Variants in MELK observed in about 807,000 individuals in gnomAD.
The protein encoded by MELK is maternal embryonic leucine zipper kinase.
A neutral mutation model predicts 85.0 loss-of-function variants in MELK; 81 were observed. That is an observed-to-expected ratio of 0.95 (90% CI 0.80 to 1.15). The LOEUF is 1.15. MELK is among the 50% of genes most tolerant of loss of function. The pLI, the probability that MELK is intolerant of heterozygous loss-of-function variation, is 0.00. For missense variants in MELK, 754 were observed against 777.5 expected (o/e 0.97, Z 0.36); for synonymous variants, 252 against 265.0 (o/e 0.95, Z 0.48).
At chr9:36,595,927 T>A (rs144449474) in intron 5 of MELK, among the ~76,000 whole-genome samples, 1 of 152,262 alleles carries the variant, frequency 6.6e-6, no homozygotes, top group Non-Finnish European at 1.5e-5. Flanking sequence ...GTGATCCTCT[T>A]GCCTTAGCCT....
intron 12 of MELK, among the ~76,000 whole-genome samples, chr9:36,652,903 T>C (rs1293795216): frequency 9.9e-5 from 15 of 152,090 alleles, no homozygotes; most frequent in Admixed American, 9.8e-4. Context: ...AAAGGACACA[T>C]TATTGAATTG....
intron 8 of MELK, among the ~76,000 whole-genome samples, chr9:36,617,224 C>T (rs190874184): frequency 6.6e-6 from 1 of 152,156 alleles, no homozygotes. Context: ...CATACCCCCC[C>T]ACCAATACAG....
chr9:36,634,248 A>C (rs528457426), intron 10 of MELK, among the ~76,000 whole-genome samples: 44 of 152,350 alleles, frequency 2.9e-4, no homozygotes, highest in African/African-American at 1.1e-3. Context: ...TCTAAATTCT[A>C]ATTTTTGCTT....
At chr9:36,609,891 G>T (rs1473895543) in intron 8 of MELK, among the ~76,000 whole-genome samples, 1 of 152,148 alleles carries the variant, frequency 6.6e-6, no homozygotes, top group Non-Finnish European at 1.5e-5. Flanking sequence ...TTGGAGACAG[G>T]TATAAGCTAT....
At chr9:36,576,721 G>A (rs974167028) in intron 1 of MELK, among the ~76,000 whole-genome samples, 2 of 152,000 alleles carry the variant, frequency 1.3e-5, no homozygotes, top group African/African-American at 4.8e-5. Flanking sequence ...TAGTAGAGAC[G>A]GGGTTTCTGC....
intron 7 of MELK, among the ~76,000 whole-genome samples, chr9:36,600,680 C>T (rs986822792): frequency 5.3e-5 from 8 of 152,148 alleles, no homozygotes; most frequent in African/African-American, 1.4e-4. Context: ...CCACCGTGCC[C>T]GGCTCTGGCC....
Position 36,643,004 on chromosome 9 carries a change from A to G in MELK, c.842A>G (p.His281Arg). The G allele has an allele frequency of 6.2e-7, 1 of 1,603,572 alleles. No homozygotes were observed. Among genetic ancestry groups the G allele is most frequent in the Non-Finnish European group, 8.5e-7 (1 of 1,176,596 alleles). Residue 281 changes from histidine (H) to arginine (R), a missense_variant, in exon 11 of 18, where the codon CAC becomes CGC. Transcript: ENST00000298048. ...VEWQSKNPFI[H>R]LDDDCVTELS... Reference sequence around the variant, plus strand: ...CATAATTTTTTTTTGTAGTTTATTCACCTCGATGATGATTGCGTAACAGAA... The same window carrying G: ...CATAATTTTTTTTTGTAGTTTATTCGCCTCGATGATGATTGCGTAACAGAA...
chr9:36,587,824 G>T (rs1823091130), intron 3 of MELK, among the ~76,000 whole-genome samples: 1 of 151,510 alleles, frequency 6.6e-6, no homozygotes, highest in Non-Finnish European at 1.5e-5. Flanking sequence ...CCCCAGGCTG[G>T]AGTGCAGTGG....
chr9:36,676,881 A>G (rs1006259416), intron 17 of MELK, among the ~76,000 whole-genome samples: 2 of 152,352 alleles, frequency 1.3e-5, no homozygotes, highest in East Asian at 1.9e-4. Flanking sequence ...CATGAATGGC[A>G]TGTATAGCTA....
intron 3 of MELK, among the ~76,000 whole-genome samples, chr9:36,584,163 G>T (rs1336333171): frequency 4.6e-5 from 7 of 150,954 alleles, no homozygotes; most frequent in Non-Finnish European, 5.9e-5. Flanking sequence ...CCGCCACTAC[G>T]CCCGGCTAAT....
intron 13 of MELK, among the ~76,000 whole-genome samples, chr9:36,662,714 A>T (rs1334111414): frequency 1.3e-5 from 2 of 152,160 alleles, no homozygotes; most frequent in Non-Finnish European, 1.5e-5. Context: ...GTTATTGAAG[A>T]TATTATTCCA....
intron 8 of MELK, among the ~76,000 whole-genome samples, chr9:36,614,455 T>C (rs1221724496): frequency 2.8e-5 from 4 of 145,124 alleles, no homozygotes; most frequent in Non-Finnish European, 6.0e-5. Context: ...ATTTATTTTT[T>C]TATTGATAAT....
intron 11 of MELK, among the ~76,000 whole-genome samples, chr9:36,643,683 C>T (rs965256423): frequency 6.6e-6 from 1 of 151,908 alleles, no homozygotes; most frequent in Admixed American, 6.6e-5. Flanking sequence ...GCCTGTAATC[C>T]CAGCACTTTC....
chr9:36,599,527 A>G (rs369514804), intron 7 of MELK, 41 bp downstream of exon 7: 11 of 1,477,124 alleles, frequency 7.4e-6, no homozygotes, highest in Non-Finnish European at 1.0e-5. Flanking sequence ...ATCAGCAGAC[A>G]TTTATATTGG....
intron 1 of MELK, among the ~76,000 whole-genome samples, chr9:36,580,261 C>T (rs2134921113): frequency 6.6e-6 from 1 of 152,042 alleles, no homozygotes; most frequent in East Asian, 1.9e-4. Flanking sequence ...ATTTCCTGAC[C>T]TTGTGATCCA....
chr9:36,605,109 C>G (rs1193878235), intron 7 of MELK, among the ~76,000 whole-genome samples: 3 of 152,090 alleles, frequency 2.0e-5, no homozygotes, highest in African/African-American at 7.2e-5. Context: ...CCCTGCTGGT[C>G]TTGAACTCCC....
At chr9:36,651,634 ATTGGCT>A in intron 11 of MELK, 106 bp from the exon 12 acceptor site, 1 of 1,279,704 alleles carries the variant, frequency 7.8e-7, no homozygotes, top group Non-Finnish European at 1.1e-6. Flanking sequence ...GTGTAAACCT[ATTGGCT>A]TTTAAAGTTC....
At chr9:36,664,494 G>A (rs1175186864) in intron 13 of MELK, among the ~76,000 whole-genome samples, 1 of 152,138 alleles carries the variant, frequency 6.6e-6, no homozygotes, top group African/African-American at 2.4e-5. Context: ...GTTAAATTTA[G>A]GCTTGAGGTT....
intron 1 of MELK, among the ~76,000 whole-genome samples, chr9:36,578,139 G>A (rs1011941660): frequency 2.6e-5 from 4 of 152,108 alleles, no homozygotes; most frequent in African/African-American, 9.7e-5. Flanking sequence ...GTATGGGGAA[G>A]ACCTTAGCTA....
Sources: gnomAD v4.1 joint callset for allele counts (sites outside exome capture counted in the v4.1 genomes callset) on GRCh38, gnomAD v4.1.1 for gene constraint, MANE v1.5 for transcripts, NCBI Gene and HGNC (gene_info 2026-07-23, HGNC 2026-07-21) for gene names.